Variants in SYT1 observed in about 807,000 individuals in gnomAD.
SYT1 encodes synaptotagmin-1.
SYT1 carries 8 observed loss-of-function variants against 44.8 expected under a neutral mutation model. That is an observed-to-expected ratio of 0.18 (90% CI 0.10 to 0.32). The LOEUF is 0.32. Among genes scored for constraint, SYT1 ranks in the 10% least tolerant of loss-of-function variants. The pLI is 1.00. For synonymous variants in SYT1, 154 were observed against 188.8 expected, an observed-to-expected ratio of 0.82 and a Z score of 1.51; for missense variants, 286 against 509.3, an observed-to-expected ratio of 0.56 and a Z score of 4.22.
At chr12:79,262,642 G>T (rs922589959) in intron 4 of SYT1, among the ~76,000 whole-genome samples, 1 of 152,132 alleles carries the variant, frequency 6.6e-6, no homozygotes, top group Non-Finnish European at 1.5e-5. Flanking sequence ...GAAAATGGGG[G>T]TGCCAACTGC....
At chr12:78,943,353 A>G (rs1411892352) in intron 1 of SYT1, among the ~76,000 whole-genome samples, 1 of 152,208 alleles carries the variant, frequency 6.6e-6, no homozygotes, top group Non-Finnish European at 1.5e-5. Flanking sequence ...GGCCTCAGGA[A>G]GCTTACAATC....
At chr12:79,192,494 G>C (rs895606388) in intron 3 of SYT1, among the ~76,000 whole-genome samples, 1 of 152,100 alleles carries the variant, frequency 6.6e-6, no homozygotes, top group South Asian at 2.1e-4. Context: ...GGGGAATACT[G>C]ATGAGGATGA....
At chr12:79,447,388 G>T (rs1870797012) in intron 10 of SYT1, among the ~76,000 whole-genome samples, 1 of 152,084 alleles carries the variant, frequency 6.6e-6, no homozygotes, top group South Asian at 2.1e-4. Flanking sequence ...TATTATGAAA[G>T]AAGCAAAATA....
At chr12:78,905,186 T>C (rs1327069902) in intron 1 of SYT1, among the ~76,000 whole-genome samples, 1 of 152,206 alleles carries the variant, frequency 6.6e-6, no homozygotes, top group East Asian at 1.9e-4. Context: ...ATCATCTTTC[T>C]TTAGTAACAT....
At chr12:79,278,497 C>T (rs894693724) in intron 4 of SYT1, among the ~76,000 whole-genome samples, 2 of 151,994 alleles carry the variant, frequency 1.3e-5, no homozygotes, top group Non-Finnish European at 2.9e-5. Context: ...ATCAAAATCT[C>T]TGGGATACAG....
chr12:79,424,944 T>TTTC (rs1334515390), intron 9 of SYT1, among the ~76,000 whole-genome samples: 3 of 145,834 alleles, frequency 2.1e-5, no homozygotes, highest in African/African-American at 7.7e-5. Flanking sequence ...GCTTTTGATT[T>TTTC]TTCTTCTTCT....
chr12:79,156,445 T>C (rs56147269), intron 3 of SYT1, among the ~76,000 whole-genome samples: 3,531 of 136,512 alleles, frequency 0.026, 123 homozygotes, highest in African/African-American at 0.094. Context: ...GTTGCTGCTG[T>C]TGTTGTTGTT....
intron 1 of SYT1, among the ~76,000 whole-genome samples, chr12:78,976,441 C>G (rs1195741881): frequency 6.6e-6 from 1 of 152,174 alleles, no homozygotes; most frequent in Non-Finnish European, 1.5e-5. Context: ...TTTTCCCAAA[C>G]CCTGTAAATT....
chr12:79,282,578 G>A (rs2138816628), intron 4 of SYT1, among the ~76,000 whole-genome samples: 1 of 152,090 alleles, frequency 6.6e-6, no homozygotes, highest in African/African-American at 2.4e-5. Flanking sequence ...ATTTTTGACT[G>A]AAACTCTTAT....
At chr12:79,135,722 C>T (rs1438742833) in intron 3 of SYT1, among the ~76,000 whole-genome samples, 1 of 152,140 alleles carries the variant, frequency 6.6e-6, no homozygotes, top group African/African-American at 2.4e-5. Flanking sequence ...CTCATTGGAA[C>T]ATCAGCTTAT....
intron 2 of SYT1, among the ~76,000 whole-genome samples, chr12:79,005,270 GATA>G (rs1412573094): frequency 1.3e-5 from 2 of 151,936 alleles, no homozygotes; most frequent in South Asian, 2.1e-4. Flanking sequence ...TGTTTTTCAT[GATA>G]ATATTTTATT....
chr12:79,192,961 A>G (rs1873219629), intron 3 of SYT1, among the ~76,000 whole-genome samples: 1 of 152,172 alleles, frequency 6.6e-6, no homozygotes, highest in South Asian at 2.1e-4. Context: ...TGGACTCACA[A>G]ACTGGCTAAT....
chr12:79,041,007 T>C (rs1873522711), intron 2 of SYT1, among the ~76,000 whole-genome samples: 1 of 152,156 alleles, frequency 6.6e-6, no homozygotes. Context: ...ACCAGTACCC[T>C]GCTGTTTTGG....
chr12:79,368,337 G>T (rs967989630), intron 9 of SYT1, among the ~76,000 whole-genome samples: 5 of 152,094 alleles, frequency 3.3e-5, no homozygotes, highest in African/African-American at 1.2e-4. Context: ...TTGCTATTGT[G>T]AATAGTGCCT....
chr12:79,404,602 C>G (rs914496917), intron 9 of SYT1, among the ~76,000 whole-genome samples: 2 of 152,128 alleles, frequency 1.3e-5, no homozygotes, highest in African/African-American at 2.4e-5. Context: ...ACTTAGTGGT[C>G]AAGTACATGT....
At chr12:79,288,616 A>G (rs1162656383) in intron 5 of SYT1, among the ~76,000 whole-genome samples, 1 of 152,198 alleles carries the variant, frequency 6.6e-6, no homozygotes, top group East Asian at 1.9e-4. Flanking sequence ...AAAAGTATAG[A>G]CATTTATGTT....
In SYT1 at chr12:79,448,843, C is replaced by T. The variant is rs562965803; in HGVS notation, c.1063-75C>T. ...GATTCTTCTATTTCCAATTCTTTAG[C>T]GCTCAAGGACGCTTTATAGTCGGGC... On this transcript the variant is annotated intron_variant, in intron 10 of 10. Coordinates refer to ENST00000261205, the MANE Select transcript of SYT1 (RefSeq NM_005639.3). 6.6e-4 allele frequency: 868 copies of T among 1,317,286 alleles called. 17 individuals are homozygous for T. In the South Asian group the frequency reaches 0.011, roughly 16 times the overall value. 81.6% of individuals were successfully genotyped at this position (1,317,286 alleles called of 1,614,324 possible).
rs574290854 is a variant in SYT1 at position 79,130,301 on chromosome 12, C to T, written c.-18+82939C>T. Among the ~76,000 whole-genome samples the T allele has an allele frequency of 2.0e-5, 3 of 152,218 alleles. No homozygotes were observed. In the South Asian group the frequency reaches 6.2e-4, roughly 32 times the overall value. ...TGATCTATAGCAGGCTTTGTCCAGG[C>T]TTTTCTATGAGCAAACTGGAACACA... On this transcript the variant is annotated intron_variant, in intron 3 of 10. Coordinates refer to ENST00000261205, the MANE Select transcript of SYT1 (RefSeq NM_005639.3).
At chr12:79,130,373 C>A (rs959584793) in intron 3 of SYT1, among the ~76,000 whole-genome samples, 2 of 152,306 alleles carry the variant, frequency 1.3e-5, no homozygotes, top group African/African-American at 4.8e-5. Flanking sequence ...CATTTGCCAT[C>A]CTATGCATTA....
Sources: allele counts gnomAD v4.1 joint callset (sites outside exome capture counted in the v4.1 genomes callset), GRCh38; gene constraint gnomAD v4.1.1; transcripts MANE v1.5; gene names NCBI Gene and HGNC (gene_info 2026-07-23, HGNC 2026-07-21).